The following SLC25A13 variants were observed in gnomAD, a reference collection of about 807,000 sequenced individuals.
SLC25A13 encodes electrogenic aspartate/glutamate antiporter SLC25A13, mitochondrial.
Under a neutral mutation model 85.5 loss-of-function variants are expected in SLC25A13, and 70 were observed. The observed-to-expected ratio is 0.82, with a 90% CI of 0.68 to 1.00. The LOEUF is 1.00. Among genes scored for constraint, SLC25A13 ranks in the 50% least tolerant of loss-of-function variants. The pLI is 0.00. For synonymous variants in SLC25A13, 259 were observed against 288.7 expected, an observed-to-expected ratio of 0.90 and a Z score of 1.04; for missense variants, 765 against 819.8, an observed-to-expected ratio of 0.93 and a Z score of 0.82.
chr7:96,150,876 T>TATA (rs757603945), intron 13 of SLC25A13, among the ~76,000 whole-genome samples: 2 of 152,052 alleles, frequency 1.3e-5, no homozygotes, highest in Non-Finnish European at 2.9e-5. Context: ...TACCCAGGGC[T>TATA]ATATAGCCAG....
intron 5 of SLC25A13, 36 bp from the exon 6 acceptor site, chr7:96,193,219 T>C: frequency 1.2e-6 from 2 of 1,608,176 alleles, no homozygotes; most frequent in Non-Finnish European, 8.5e-7. Flanking sequence ...TAATTTATGC[T>C]TCTCATTTAA....
At position 96,121,194 on chromosome 7, in the gene SLC25A13, T is replaced by C. The variant is rs1791484357; in HGVS notation, c.2025A>G (p.Pro675=). 3.7e-6 allele frequency: 6 copies of C among 1,614,048 alleles called. No homozygotes were observed. Among genetic ancestry groups the C allele is most frequent in the African/African-American group, 2.7e-5 (2 of 74,930 alleles). Residue 675 remains proline (P), a synonymous_variant, in exon 18 of 18, where the codon CCA becomes CCG. Coordinates refer to ENST00000265631, the MANE Select transcript of SLC25A13 (RefSeq NM_014251.3). ...VSTSKAIGGG[P] is the part of the protein sequence containing the mutation. ...CACTATCCCAGGGCTGATCTTCCTA[T>C]GGGCCTCCACCAATAGCCTTTGAGG...
In SLC25A13 at chr7:96,189,272, A is replaced by T. The variant is rs766791458; in HGVS notation, c.933+22T>A. ...TCCTGCTAAGGAAACCCCAGAATGC[A>T]AGTTTGCTCCTCTTTGCTCACCTGC... is the stretch of plus-strand genomic sequence containing the variant. On this transcript the variant is annotated intron_variant, in intron 9 of 17. Transcript: ENST00000265631. 24 of 1,610,846 alleles carry T rather than the reference A, an allele frequency of 1.5e-5. No individual in the cohort carries two copies. The Admixed American group carries it at 4.0e-4, about 27-fold the overall frequency.
At chr7:96,126,421 C>A (rs573550096) in intron 15 of SLC25A13, among the ~76,000 whole-genome samples, 1 of 152,306 alleles carries the variant, frequency 6.6e-6, no homozygotes, top group African/African-American at 2.4e-5. Context: ...GAAGTGGTCT[C>A]TTTCTTTAAA....
At chr7:96,144,560 T>A (rs571866086) in intron 14 of SLC25A13, among the ~76,000 whole-genome samples, 3 of 152,208 alleles carry the variant, frequency 2.0e-5, no homozygotes, top group Admixed American at 1.3e-4. Context: ...TAACTTCATA[T>A]GGGAGAGTTC....
intron 3 of SLC25A13, among the ~76,000 whole-genome samples, chr7:96,261,190 C>T (rs1332946515): frequency 6.6e-6 from 1 of 152,136 alleles, no homozygotes; most frequent in African/African-American, 2.4e-5. Context: ...TCAGAGAGAT[C>T]TTCCCTGACC....
At chr7:96,303,101 T>C (rs774138510) in intron 1 of SLC25A13, among the ~76,000 whole-genome samples, 11 of 152,122 alleles carry the variant, frequency 7.2e-5, no homozygotes, top group Non-Finnish European at 1.2e-4. Flanking sequence ...GAAATTACCA[T>C]GTGTGGGTGG....
At chr7:96,170,560 C>T (rs547706245) in intron 12 of SLC25A13, among the ~76,000 whole-genome samples, 58 of 152,272 alleles carry the variant, frequency 3.8e-4, no homozygotes, top group African/African-American at 1.4e-3. Context: ...GCTGAGCAGA[C>T]TTTTTCAGCT....
At chr7:96,213,673 C>T (rs1429985242) in intron 4 of SLC25A13, among the ~76,000 whole-genome samples, 5 of 152,104 alleles carry the variant, frequency 3.3e-5, no homozygotes, top group South Asian at 2.1e-4. Flanking sequence ...GTAACTCAGT[C>T]GTGGAAGACT....
intron 1 of SLC25A13, among the ~76,000 whole-genome samples, chr7:96,302,739 T>G (rs1799597187): frequency 6.6e-6 from 1 of 151,390 alleles, no homozygotes; most frequent in African/African-American, 2.5e-5. Context: ...AATAGGCAAC[T>G]CTCTTCAGAC....
chr7:96,183,263 G>A (rs914191518), intron 11 of SLC25A13, among the ~76,000 whole-genome samples: 55 of 152,152 alleles, frequency 3.6e-4, no homozygotes, highest in African/African-American at 1.3e-3. Context: ...TGGCTTCTAA[G>A]GTGAGAGGTT....
intron 4 of SLC25A13, among the ~76,000 whole-genome samples, chr7:96,233,063 C>T (rs539652931): frequency 4.6e-5 from 7 of 152,304 alleles, no homozygotes; most frequent in Admixed American, 3.3e-4. Flanking sequence ...CCACTTCACA[C>T]GCATGAAGGG....
chr7:96,296,849 T>C, intron 2 of SLC25A13, 49 bp downstream of exon 2: 1 of 1,509,796 alleles, frequency 6.6e-7, no homozygotes, highest in Non-Finnish European at 9.2e-7. Context: ...ATTTAAAAGT[T>C]ATAGAACACA....
At chr7:96,272,047 G>C (rs550422961) in intron 3 of SLC25A13, among the ~76,000 whole-genome samples, 3 of 152,072 alleles carry the variant, frequency 2.0e-5, no homozygotes, top group Non-Finnish European at 4.4e-5. Context: ...CACCATGCCT[G>C]GCTAATTTTT....
chr7:96,152,824 C>T (rs553164771), intron 13 of SLC25A13, among the ~76,000 whole-genome samples: 78 of 152,142 alleles, frequency 5.1e-4, no homozygotes, highest in African/African-American at 1.8e-3. Flanking sequence ...AGTGAGAAGG[C>T]GAAAGGACCA....
chr7:96,199,219 G>C (rs1795167275), intron 5 of SLC25A13, among the ~76,000 whole-genome samples: 1 of 152,180 alleles, frequency 6.6e-6, no homozygotes, highest in African/African-American at 2.4e-5. Flanking sequence ...CATCCAGGCA[G>C]TCGGCTTCTG....
intron 4 of SLC25A13, among the ~76,000 whole-genome samples, chr7:96,218,709 A>G (rs997906277): frequency 5.3e-5 from 8 of 152,184 alleles, no homozygotes; most frequent in African/African-American, 1.9e-4. Context: ...TCTCTTTCTC[A>G]TGGATTTTAA....
At chr7:96,281,091 T>C (rs1008101195) in intron 2 of SLC25A13, among the ~76,000 whole-genome samples, 1 of 151,898 alleles carries the variant, frequency 6.6e-6, no homozygotes, top group Non-Finnish European at 1.5e-5. Flanking sequence ...AACACAGCAA[T>C]GAGAAAAAAC....
chr7:96,247,961 A>T (rs1306442970), intron 3 of SLC25A13, among the ~76,000 whole-genome samples: 6 of 151,058 alleles, frequency 4.0e-5, no homozygotes, highest in Admixed American at 6.6e-5. Context: ...CAGCTGGGAA[A>T]AAAAAAAAAA....
Sources: allele counts gnomAD v4.1 joint callset (sites outside exome capture counted in the v4.1 genomes callset), GRCh38; gene constraint gnomAD v4.1.1; transcripts MANE v1.5; gene names NCBI Gene and HGNC (gene_info 2026-07-23, HGNC 2026-07-21).